The following DYNC2I1 variants were observed in gnomAD, a reference collection of about 807,000 sequenced individuals.
The protein encoded by DYNC2I1 is cytoplasmic dynein 2 intermediate chain 1.
A neutral mutation model predicts 133.4 loss-of-function variants in DYNC2I1; 89 were observed. That is an observed-to-expected ratio of 0.67 (90% CI 0.56 to 0.80). The LOEUF is 0.80. DYNC2I1 is among the 30% of genes least tolerant of loss of function. The pLI, the probability that DYNC2I1 is intolerant of heterozygous loss-of-function variation, is 0.00. For missense variants in DYNC2I1, 1,291 were observed against 1,314.5 expected (o/e 0.98, Z 0.28); for synonymous variants, 504 against 484.3 (o/e 1.04, Z -0.54).
the DYNC2I1 span, among the ~76,000 whole-genome samples, chr7:158,845,004 CATCTAGATGGACCTCTCCTCT>C: frequency 6.6e-6 from 1 of 152,136 alleles, no homozygotes; most frequent in Non-Finnish European, 1.5e-5. Context: ...GCCCCCCAAC[CATCTAGATGGACCTCTCCTCT>C]TGGCCAAGGG....
At chr7:158,878,787 C>CT (rs1192280606) in intron 4 of DYNC2I1, among the ~76,000 whole-genome samples, 52 of 46,974 alleles carry the variant, frequency 1.1e-3, no homozygotes, top group African/African-American at 4.2e-3. Context: ...AGGGCCGACT[C>CT]TGAGTGCCAG....
At chr7:158,941,784 A>T (rs1851394211) in intron 23 of DYNC2I1, 141 bp from the exon 24 acceptor site, 2 of 872,954 alleles carry the variant, frequency 2.3e-6, no homozygotes, top group Non-Finnish European at 3.6e-6. Context: ...AGGCCGAGGC[A>T]GGAGGATTGA....
At chr7:158,890,952 G>C (rs1845150997) in intron 7 of DYNC2I1, among the ~76,000 whole-genome samples, 1 of 152,210 alleles carries the variant, frequency 6.6e-6, no homozygotes, top group Non-Finnish European at 1.5e-5. Flanking sequence ...TTCTTCATCA[G>C]ATGCAGGGAT....
At chr7:158,948,783 T>A (rs1851963508), downstream of DYNC2I1, among the ~76,000 whole-genome samples, 1 of 152,218 alleles carries the variant, frequency 6.6e-6, no homozygotes, top group African/African-American at 2.4e-5. Context: ...CAGTCGCGGC[T>A]GTGGTTTACC....
At chr7:158,877,257 G>A (rs1224880869) in intron 4 of DYNC2I1, among the ~76,000 whole-genome samples, 4 of 151,536 alleles carry the variant, frequency 2.6e-5, no homozygotes, top group South Asian at 4.2e-4. Flanking sequence ...GTTCCGCGGC[G>A]CGGGTGTGTT....
chr7:158,865,266 G>A (rs1263997204), intron 1 of DYNC2I1, among the ~76,000 whole-genome samples: 1 of 152,180 alleles, frequency 6.6e-6, no homozygotes, highest in Non-Finnish European at 1.5e-5. Context: ...TGAGAGTGGG[G>A]AAAAGAATTC....
the DYNC2I1 span, among the ~76,000 whole-genome samples, chr7:158,849,423 T>C: frequency 6.6e-6 from 1 of 152,234 alleles, no homozygotes; most frequent in East Asian, 1.9e-4. Context: ...TTTCATTTTC[T>C]GGCTGGAAAC....
At position 158,945,939 on chromosome 7, in the gene DYNC2I1, AATAG is replaced by A. The variant is rs1327577103; in HGVS notation, c.*163_*166del. 1.1e-5 allele frequency: 8 copies of A among 729,368 alleles called. No individual in the cohort carries two copies. The highest frequency in any genetic ancestry group is 1.4e-5 in the Non-Finnish European group (7 of 510,444). 45.2% of individuals were successfully genotyped at this position (729,368 alleles called of 1,614,324 possible). On this transcript the variant is annotated 3_prime_UTR_variant, in exon 25 of 25. Transcript: ENST00000407559. This position sits in a 1 kb window ranked among gnomAD's most constrained non-coding sequence, Gnocchi z 4.1. ...GAATATGTCTTTGGTATTCCCAGTA[AATAG>A]ATGACTACTTTTGAGTGGAAACAAA...
Position 158,945,504 on chromosome 7 carries a change from G to T in DYNC2I1, c.3003-77G>T. 1 of 1,427,844 alleles carries T rather than the reference G, an allele frequency of 7.0e-7. No homozygotes were observed. The highest frequency in any genetic ancestry group is 1.3e-5 in the South Asian group (1 of 74,782). The allele number at this position is 1,427,844 out of a possible 1,614,324, so 88.4% of individuals were successfully genotyped here. On this transcript the variant is annotated intron_variant, in intron 24 of 24. Coordinates refer to ENST00000407559, the MANE Select transcript of DYNC2I1 (RefSeq NM_018051.5). The surrounding 1 kb of genome is among the most constrained non-coding windows in gnomAD (Gnocchi z 4.1). ...CGTTTCACTCTTCCCATGGAAGGTA[G>T]ACATTTTGAAGACTCAGACAGAACC...
At chr7:158,875,274 T>C (rs181044213) in intron 3 of DYNC2I1, among the ~76,000 whole-genome samples, 151 of 152,150 alleles carry the variant, frequency 9.9e-4, no homozygotes, top group African/African-American at 3.6e-3. Context: ...TTTGTATTTT[T>C]AGTAAAGGTG....
chr7:158,907,912 T>C (rs1260680271), intron 11 of DYNC2I1, among the ~76,000 whole-genome samples: 1 of 152,144 alleles, frequency 6.6e-6, no homozygotes, highest in Non-Finnish European at 1.5e-5. Flanking sequence ...TGTGCCCGGC[T>C]GGTAATCTAG....
downstream of DYNC2I1, among the ~76,000 whole-genome samples, chr7:158,946,651 T>TTAA (rs1585271509): frequency 2.0e-5 from 3 of 152,380 alleles, no homozygotes; most frequent in Middle Eastern, 3.4e-3. Flanking sequence ...ACCCTTGTGC[T>TTAA]TAAGTTCCAG....
intron 14 of DYNC2I1, among the ~76,000 whole-genome samples, chr7:158,917,325 C>T (rs1044125340): frequency 6.6e-6 from 1 of 150,774 alleles, no homozygotes; most frequent in South Asian, 2.1e-4. Context: ...CACTAAACAC[C>T]CCCTGCCCTC....
intron 1 of DYNC2I1, among the ~76,000 whole-genome samples, chr7:158,863,281 G>A (rs1465611957): frequency 6.6e-6 from 1 of 151,856 alleles, no homozygotes; most frequent in Non-Finnish European, 1.5e-5. Flanking sequence ...AGCGCTGATT[G>A]GTCCGTTTTT....
intron 23 of DYNC2I1, among the ~76,000 whole-genome samples, chr7:158,935,185 C>T (rs1850623212): frequency 6.6e-6 from 1 of 152,180 alleles, no homozygotes; most frequent in African/African-American, 2.4e-5. Flanking sequence ...CCAGGGATGG[C>T]CGTCGGGCAG....
rs35689002 is a variant in DYNC2I1 at position 158,900,731 on chromosome 7, GTT to G, written c.1060-991_1060-990del. On this transcript the variant is annotated intron_variant, in intron 8 of 24. Transcript: ENST00000407559. ...CCACAGTTCTTGGATATTTTGTTCT[GTT>G]TTTTTTTTTTTTTTTTCCTTCCCGC... Among the ~76,000 whole-genome samples, 149 of 105,728 alleles carry G rather than the reference GTT, an allele frequency of 1.4e-3. 1 individual carries two copies. The highest frequency in any genetic ancestry group is 5.0e-3 in the African/African-American group (139 of 27,556). The allele number at this position is 105,728 out of a possible 152,430, so 69.4% of individuals were successfully genotyped here.
Position 158,899,627 on chromosome 7 carries a change from A to T in DYNC2I1, c.1060-2112A>T, listed in dbSNP as rs28405283. Among the ~76,000 whole-genome samples, 583 of 152,272 alleles carry T rather than the reference A, an allele frequency of 3.8e-3. 11 individuals carry two copies. The highest frequency in any genetic ancestry group is 0.013 in the African/African-American group (529 of 41,550). ...TGTGGGAGGGACCCAGGGGGAGGTA[A>T]TTGAATCATGGGGCCTGGTCTTTCC... On this transcript the variant is annotated intron_variant, in intron 8 of 24. Coordinates refer to ENST00000407559, the MANE Select transcript of DYNC2I1 (RefSeq NM_018051.5).
At chr7:158,915,345 G>C (rs187824485) in intron 14 of DYNC2I1, among the ~76,000 whole-genome samples, 121 of 66,356 alleles carry the variant, frequency 1.8e-3, no homozygotes, top group South Asian at 4.6e-3. Context: ...ATTGTGAAAC[G>C]TCGACACGCT....
the DYNC2I1 span, among the ~76,000 whole-genome samples, chr7:158,842,432 G>A: frequency 6.6e-6 from 1 of 152,224 alleles, no homozygotes; most frequent in African/African-American, 2.4e-5. Context: ...ACCTGGTTAG[G>A]AAGGTGGGCT....
Sources: allele counts gnomAD v4.1 joint callset (sites outside exome capture counted in the v4.1 genomes callset), GRCh38; gene constraint gnomAD v4.1.1; non-coding constraint Gnocchi (gnomAD v3.1); transcripts MANE v1.5; gene names NCBI Gene and HGNC (gene_info 2026-07-23, HGNC 2026-07-21).